The following RYR1 variants were observed in gnomAD, a reference collection of about 807,000 sequenced individuals.
RYR1 encodes central core disease of muscle.
A neutral mutation model predicts 583.5 loss-of-function variants in RYR1; 342 were observed. That is an observed-to-expected ratio of 0.59 (90% CI 0.54 to 0.64). RYR1 has a LOEUF of 0.64. RYR1 is among the 30% of genes least tolerant of loss of function. The probability of loss-of-function intolerance (pLI) is 0.00; values close to 1 mark genes in which losing one functional copy is unlikely to be tolerated. For synonymous variants in RYR1, 2,791 were observed against 2,822.5 expected (o/e 0.99, Z 0.35); for missense variants, 6,032 against 6,917.2 (o/e 0.87, Z 4.54).
In RYR1 at chr19:38,517,533, G is replaced by T. The variant is rs756487708; in HGVS notation, c.9860G>T (p.Arg3287Leu). ...LCSYLPRWWERGPEAPPSALP... is the reference protein window; with the variant it reads ...LCSYLPRWWELGPEAPPSALP... ...AGCTACCTGCCCCGATGGTGGGAGC[G>T]CGGGCCCGAGGCACCCCCTTCCGCC... The change falls in exon 66 of 106, where the codon CGC (arginine) becomes CTC (leucine). Residue 3287 changes from arginine to leucine, a missense_variant. Physicochemically the swap from Arg to Leu is moderately radical, Grantham distance 102 (BLOSUM62 -2). Coordinates refer to ENST00000359596, the MANE Select transcript of RYR1 (RefSeq NM_000540.3). 6.2e-7 allele frequency: 1 copy of T among 1,613,844 alleles called. No homozygotes were observed. The highest frequency in any genetic ancestry group is 8.5e-7 in the Non-Finnish European group (1 of 1,179,878).
chr19:38,565,700 G>A lies in RYR1; in HGVS notation c.13366G>A (p.Asp4456Asn). The A allele has an allele frequency of 7.0e-7, 1 of 1,422,326 alleles. No homozygotes were observed. The highest frequency in any genetic ancestry group is 2.9e-5 in the East Asian group (1 of 33,990). The allele number at this position is 1,422,326 out of a possible 1,614,324, so 88.1% of individuals were successfully genotyped here. ...GCCCGAAGGGGCTGGCGGTCTCGGGGACATGGGGGACACGACGCCTGCGGA... is the reference window on the plus strand; with the variant it reads ...GCCCGAAGGGGCTGGCGGTCTCGGGAACATGGGGGACACGACGCCTGCGGA... ...FRPEGAGGLG[D>N]MGDTTPAEPP... Residue 4456 changes from aspartate to asparagine, a missense_variant, in exon 91 of 106, where the codon GAC becomes AAC. Physicochemically the swap from Asp to Asn is conservative, Grantham distance 23 (BLOSUM62 1). Coordinates refer to ENST00000359596, the MANE Select transcript of RYR1 (RefSeq NM_000540.3). The surrounding 1 kb of genome is among the most constrained non-coding windows in gnomAD (Gnocchi z 4.7).
At chr19:38,489,943 G>C in intron 35 of RYR1, 133 bp from the exon 36 acceptor site, 2 of 915,348 alleles carry the variant, frequency 2.2e-6, no homozygotes, top group South Asian at 2.8e-5. Context: ...GCAGGCTTAA[G>C]GTTCCAGGCG....
chr19:38,440,712 C>T (rs747700867), intron 1 of RYR1, 33 bp from the exon 2 acceptor site: 12 of 1,599,988 alleles, frequency 7.5e-6, no homozygotes, highest in Non-Finnish European at 8.5e-6. Context: ...CCGGGCCAGG[C>T]CCCCCTGGAG....
At position 38,489,586 on chromosome 19, in the gene RYR1, A is replaced by G; in HGVS notation, c.5814+143A>G. 26 of 880,910 alleles carry G rather than the reference A, an allele frequency of 3.0e-5. No individual in the cohort carries two copies. The South Asian group carries it at 3.4e-4, about 12-fold the overall frequency. 54.6% of individuals were successfully genotyped at this position (880,910 alleles called of 1,614,324 possible). ...GGCAGTGAGCAATGCCAACTTGGAA[A>G]GATCTCTGTTTTCCATGGAGATGAG... On this transcript the variant is annotated intron_variant, in intron 35 of 105. Transcript: ENST00000359596.
At chr19:38,461,721 G>GA (rs34209906) in intron 20 of RYR1, among the ~76,000 whole-genome samples, 43,813 of 74,866 alleles carry the variant, frequency 0.59, 12,029 homozygotes, top group Non-Finnish European at 0.63. Flanking sequence ...GCAAAACCCT[G>GA]AAAAAAAAAA....
Position 38,565,697 on chromosome 19 carries a change from G to A in RYR1, c.13363G>A (p.Gly4455Arg). 7.1e-7 allele frequency: 1 copy of A among 1,415,634 alleles called. No homozygotes were observed. The allele number at this position is 1,415,634 out of a possible 1,614,324, so 87.7% of individuals were successfully genotyped here. ...PFRPEGAGGL[G>R]DMGDTTPAEP... ...CCGGCCCGAAGGGGCTGGCGGTCTC[G>A]GGGACATGGGGGACACGACGCCTGC... Residue 4455 changes from glycine (G) to arginine (R), a missense_variant, in exon 91 of 106, where the codon GGG becomes AGG. By Grantham distance (125) the Gly-to-Arg change is moderately radical. This residue lies in a region of RYR1 where 753 missense variants were observed against 759.6 expected (regional missense o/e 0.99). Transcript: ENST00000359596. The surrounding 1 kb of genome is among the most constrained non-coding windows in gnomAD (Gnocchi z 4.7).
rs112213738 is a variant in RYR1 at position 38,512,153 on chromosome 19, G to A, written c.9233+21G>A. On this transcript the variant is annotated intron_variant, in intron 62 of 105. Transcript: ENST00000359596. This position sits in a 1 kb window ranked among gnomAD's most constrained non-coding sequence, Gnocchi z 5.1. ...GCCAGGTAGGGCCATAGGCAGTGGCGCCCACTCCCACCATCATCGGGCCCC... is the reference window on the plus strand; with the variant it reads ...GCCAGGTAGGGCCATAGGCAGTGGCACCCACTCCCACCATCATCGGGCCCC... The A allele has an allele frequency of 1.7e-4, 278 of 1,614,042 alleles. No individual in the cohort carries two copies. Among genetic ancestry groups the A allele is most frequent in the African/African-American group, 5.5e-4 (41 of 75,004 alleles).
Position 38,565,450 on chromosome 19 carries a change from G to T in RYR1, c.13116G>T (p.Lys4372Asn). 1 of 1,498,506 alleles carries T rather than the reference G, an allele frequency of 6.7e-7. No homozygotes were observed. 92.8% of individuals were successfully genotyped at this position (1,498,506 alleles called of 1,614,324 possible). The change falls in exon 91 of 106, where the codon AAG (lysine) becomes AAT (asparagine). Residue 4372 changes from lysine to asparagine, a missense_variant. By Grantham distance (94) the Lys-to-Asn change is moderately conservative. Around this residue, in one of 11 missense-constraint regions of RYR1, gnomAD observed 753 missense variants for 759.6 expected, o/e 0.99. Coordinates refer to ENST00000359596, the MANE Select transcript of RYR1 (RefSeq NM_000540.3). This position sits in a 1 kb window ranked among gnomAD's most constrained non-coding sequence, Gnocchi z 4.7. Reference sequence around the variant, plus strand: ...GCGGCGGCCTGGTGGAGGGCGCCAAGAAGGTGACGGTGACCGAGCTCCTGG... The same window carrying T: ...GCGGCGGCCTGGTGGAGGGCGCCAATAAGGTGACGGTGACCGAGCTCCTGG... ...LFGGGLVEGA[K>N]KVTVTELLAG...
intron 79 of RYR1, 87 bp downstream of exon 79, chr19:38,534,906 T>G (rs1971900342): frequency 7.0e-7 from 1 of 1,420,250 alleles, no homozygotes; most frequent in Admixed American, 2.0e-5. Context: ...GTGGACCCAT[T>G]TGCCGCCCCT....
intron 47 of RYR1, among the ~76,000 whole-genome samples, chr19:38,501,226 G>A (rs1271820641): frequency 6.6e-6 from 1 of 152,202 alleles, no homozygotes; most frequent in Non-Finnish European, 1.5e-5. Flanking sequence ...GAGGTCAGGC[G>A]TGGTGACTCG....
intron 94 of RYR1, among the ~76,000 whole-genome samples, chr19:38,571,698 A>T (rs929838664): frequency 6.6e-6 from 1 of 152,234 alleles, no homozygotes; most frequent in African/African-American, 2.4e-5. Flanking sequence ...TACCTGGCAT[A>T]TAAAAAGCAC....
intron 67 of RYR1, among the ~76,000 whole-genome samples, chr19:38,522,167 A>G (rs1971253864): frequency 6.6e-6 from 1 of 152,268 alleles, no homozygotes; most frequent in Middle Eastern, 3.4e-3. Flanking sequence ...AAGTGTGTTC[A>G]TTTGTGATAA....
chr19:38,502,612 C>T lies in RYR1; in HGVS notation c.7720C>T (p.His2574Tyr), dbSNP rs144203769. The change falls in exon 48 of 106, where the codon CAC (histidine) becomes TAC (tyrosine). Residue 2574 changes from histidine to tyrosine, a missense_variant. Physicochemically the swap from His to Tyr is moderately conservative, Grantham distance 83. Transcript: ENST00000359596. ...KCAPLFAGTE[H>Y]RAIMVDSMLH... ...TGCGCCGCTCTTTGCGGGCACAGAA[C>T]ACCGCGCCATCATGGTGGACTCTAT... is the stretch of plus-strand genomic sequence containing the variant. 8.1e-6 allele frequency: 13 copies of T among 1,612,994 alleles called. No individual in the cohort carries two copies. In the African/African-American group the frequency reaches 1.5e-4, roughly 18 times the overall value.
In RYR1 at chr19:38,458,284, TCTGGACAGGTACCTGACCCCTTC is replaced by T. The variant is rs1967531069; in HGVS notation, c.2161_2167+16del. 1 of 1,613,758 alleles carries T rather than the reference TCTGGACAGGTACCTGACCCCTTC, an allele frequency of 6.2e-7. No homozygotes were observed. On this transcript the variant is annotated splice_donor_variant and splice_donor_5th_base_variant and coding_sequence_variant and intron_variant, in exon 18 of 106. Coordinates refer to ENST00000359596, the MANE Select transcript of RYR1 (RefSeq NM_000540.3). LOFTEE classifies it high-confidence loss of function. ...TCCTACGGCTTTGATGGACTGCATC[TCTGGACAGGTACCTGACCCCTTC>T]CAGGGGACCCTCACCCCTGACCATT...
Position 38,460,236 on chromosome 19 carries a change from G to C in RYR1, c.2361-139G>C, listed in dbSNP as rs1411111349. 4 of 775,414 alleles carry C rather than the reference G, an allele frequency of 5.2e-6. No individual in the cohort carries two copies. In the East Asian group the frequency reaches 7.6e-5, roughly 15 times the overall value. The allele number at this position is 775,414 out of a possible 1,614,324, so 48.0% of individuals were successfully genotyped here. On this transcript the variant is annotated intron_variant, in intron 19 of 105. Coordinates refer to ENST00000359596, the MANE Select transcript of RYR1 (RefSeq NM_000540.3). ...TTTTATGACTTCTAAATGACCTCCAGGACACTATGACTGCCCGGTGACCTT... is the reference window on the plus strand; with the variant it reads ...TTTTATGACTTCTAAATGACCTCCACGACACTATGACTGCCCGGTGACCTT...
At chr19:38,558,598 G>T (rs1204176081) in intron 89 of RYR1, among the ~76,000 whole-genome samples, 1 of 151,872 alleles carries the variant, frequency 6.6e-6, no homozygotes, top group Non-Finnish European at 1.5e-5. Flanking sequence ...GGCCAACATG[G>T]CGAAACCCCA....
rs1968086331 is a variant in RYR1, at chr19:38,466,116, C to G, written c.2896C>G (p.Pro966Ala). 6.2e-7 allele frequency: 1 copy of G among 1,612,012 alleles called. No individual in the cohort carries two copies. The highest frequency in any genetic ancestry group is 8.5e-7 in the Non-Finnish European group (1 of 1,179,266). The change falls in exon 24 of 106, where the codon CCG becomes GCG. Residue 966 changes from proline (P) to alanine (A), a missense_variant. By Grantham distance (27) the Pro-to-Ala change is conservative. Coordinates refer to ENST00000359596, the MANE Select transcript of RYR1 (RefSeq NM_000540.3). The stretch of plus-strand genomic sequence containing the variant: ...GTATATGATGAGCAATGGGTACAAG[C>G]CGGCTCCGCTGGACCTGAGCCACGT... Reference protein sequence around the residue: ...KTYMMSNGYKPAPLDLSHVRL... With the variant: ...KTYMMSNGYKAAPLDLSHVRL...
In RYR1 at chr19:38,485,570, G is replaced by C. The variant is rs1969237670; in HGVS notation, c.4935-20G>C. On this transcript the variant is annotated intron_variant, in intron 33 of 105. Transcript: ENST00000359596. ...GAGGCTCATTCATCTGTCCCTGTCTGTTTCCCACCTCTGCTGCAGGTGCAT... is the reference window on the plus strand; with the variant it reads ...GAGGCTCATTCATCTGTCCCTGTCTCTTTCCCACCTCTGCTGCAGGTGCAT... 1.2e-6 allele frequency: 2 copies of C among 1,606,680 alleles called. No homozygotes were observed. Among genetic ancestry groups the C allele is most frequent in the Non-Finnish European group, 8.5e-7 (1 of 1,179,912 alleles).
chr19:38,505,949 G>A lies in RYR1; in HGVS notation c.8541+3G>A, dbSNP rs774306739. 6.2e-7 allele frequency: 1 copy of A among 1,612,308 alleles called. No individual in the cohort carries two copies. Among genetic ancestry groups the A allele is most frequent in the Admixed American group, 1.7e-5 (1 of 59,984 alleles). On this transcript the variant is annotated splice_donor_region_variant and intron_variant, in intron 54 of 105. Coordinates refer to ENST00000359596, the MANE Select transcript of RYR1 (RefSeq NM_000540.3). ...GGAAGATATCACAAAGTGCCCAGGT[G>A]AAGGCGGGGCCTGGGTGGAGGGCAG...
Sources: allele counts gnomAD v4.1 joint callset (sites outside exome capture counted in the v4.1 genomes callset), GRCh38; gene constraint gnomAD v4.1.1; regional missense constraint gnomAD v4.1.1; non-coding constraint Gnocchi (gnomAD v3.1); transcripts MANE v1.5; gene names NCBI Gene and HGNC (gene_info 2026-07-23, HGNC 2026-07-21).